NOX4: variants seen among roughly 807,000 people sequenced by gnomAD.
The protein encoded by NOX4 is kidney oxidase-1.
In NOX4, 69 loss-of-function variants were observed where a neutral mutation model predicts 87.6. The observed-to-expected ratio is 0.79, with a 90% CI of 0.65 to 0.96. The LOEUF (loss-of-function observed/expected upper bound fraction) is 0.96, where lower values mean the gene tolerates loss of function less well. Among genes scored for constraint, NOX4 ranks in the 40% least tolerant of loss-of-function variants. NOX4 has a pLI of 0.00. For synonymous variants in NOX4, 275 were observed against 238.2 expected, an observed-to-expected ratio of 1.15 and a Z score of -1.42; for missense variants, 680 against 681.5, an observed-to-expected ratio of 1.00 and a Z score of 0.02.
At chr11:89,378,902 A>G (rs1940064105) in intron 11 of NOX4, among the ~76,000 whole-genome samples, 4 of 152,240 alleles carry the variant, frequency 2.6e-5, no homozygotes, top group African/African-American at 9.6e-5. Context: ...ACATCATGAC[A>G]GTAAACATTT....
intron 11 of NOX4, among the ~76,000 whole-genome samples, chr11:89,375,508 G>T (rs1443693116): frequency 2.0e-5 from 3 of 152,044 alleles, no homozygotes; most frequent in Non-Finnish European, 4.4e-5. Flanking sequence ...GGGTTTCACA[G>T]TGTTGCCCAG....
chr11:89,511,440 C>T, the NOX4 span, among the ~76,000 whole-genome samples: 1 of 151,856 alleles, frequency 6.6e-6, no homozygotes, highest in Non-Finnish European at 1.5e-5. Flanking sequence ...CCTTTCCACT[C>T]CCTGTTTCTA....
At chr11:89,328,247 G>A (rs1223082841) in intron 17 of NOX4, among the ~76,000 whole-genome samples, 4 of 152,214 alleles carry the variant, frequency 2.6e-5, no homozygotes, top group Non-Finnish European at 5.9e-5. Flanking sequence ...CTTCATGAAT[G>A]TGAGTAAAGA....
intron 8 of NOX4, among the ~76,000 whole-genome samples, chr11:89,403,893 T>A (rs1942020467): frequency 6.6e-6 from 1 of 152,156 alleles, no homozygotes. Flanking sequence ...CTCATCCTGA[T>A]CACTTTCCTT....
chr11:89,586,869 T>A, the NOX4 span, among the ~76,000 whole-genome samples: 1 of 152,222 alleles, frequency 6.6e-6, no homozygotes, highest in South Asian at 2.1e-4. Context: ...GTTGGCATGG[T>A]CCTCTAATGT....
At position 89,449,437 on chromosome 11, in the gene NOX4, C is replaced by T. The variant is rs749236716; in HGVS notation, c.349+3G>A. The stretch of plus-strand genomic sequence containing the variant: ...ATTATTTAATATCTTGTGGCTTTCT[C>T]ACCTGAGAAAATACAGATAGTAACA... On this transcript the variant is annotated splice_donor_region_variant and intron_variant, in intron 4 of 17. Transcript: ENST00000263317. The T allele has an allele frequency of 1.3e-6, 2 of 1,586,996 alleles. No individual in the cohort carries two copies. Among genetic ancestry groups the T allele is most frequent in the Non-Finnish European group, 1.7e-6 (2 of 1,162,500 alleles).
At chr11:89,447,866 C>G (rs1193350511) in intron 4 of NOX4, among the ~76,000 whole-genome samples, 1 of 152,112 alleles carries the variant, frequency 6.6e-6, no homozygotes, top group Admixed American at 6.6e-5. Context: ...GAGCCTCTCC[C>G]CATCTAACAC....
upstream of NOX4, among the ~76,000 whole-genome samples, chr11:89,494,789 G>A (rs1243853257): frequency 6.6e-6 from 1 of 152,150 alleles, no homozygotes; most frequent in African/African-American, 2.4e-5. Context: ...TAAGACAAGT[G>A]GGCCCTTCTG....
At chr11:89,373,654 A>C (rs1939624609) in intron 11 of NOX4, among the ~76,000 whole-genome samples, 162 bp from the exon 12 acceptor site, 1 of 152,188 alleles carries the variant, frequency 6.6e-6, no homozygotes, top group South Asian at 2.1e-4. Flanking sequence ...AGAAAAAAAA[A>C]TCAATGTCAA....
At chr11:89,502,396 T>C (rs2135512702), upstream of NOX4, among the ~76,000 whole-genome samples, 1 of 152,168 alleles carries the variant, frequency 6.6e-6, no homozygotes, top group South Asian at 2.1e-4. Flanking sequence ...AAATTGCTTA[T>C]ATTTCATTTT....
chr11:89,353,279 G>C (rs1937701923), intron 13 of NOX4, among the ~76,000 whole-genome samples: 2 of 152,118 alleles, frequency 1.3e-5, no homozygotes, highest in Non-Finnish European at 2.9e-5. Flanking sequence ...GAAATCTTTT[G>C]TAAAAGGAAG....
intron 12 of NOX4, among the ~76,000 whole-genome samples, chr11:89,362,654 A>G (rs1938622876): frequency 6.6e-6 from 1 of 152,088 alleles, no homozygotes; most frequent in Admixed American, 6.6e-5. Flanking sequence ...ATATATATTT[A>G]AAGAGTAGAT....
intron 8 of NOX4, among the ~76,000 whole-genome samples, chr11:89,403,158 G>C (rs900523125): frequency 2.0e-5 from 3 of 152,100 alleles, no homozygotes; most frequent in Non-Finnish European, 4.4e-5. Context: ...AATCAGGCAG[G>C]AGAGCCCACA....
intron 11 of NOX4, among the ~76,000 whole-genome samples, chr11:89,381,079 A>C (rs1940249472): frequency 6.6e-6 from 1 of 152,148 alleles, no homozygotes; most frequent in African/African-American, 2.4e-5. Flanking sequence ...AACGGGAAAA[A>C]CTATTCCTGG....
the NOX4 span, among the ~76,000 whole-genome samples, chr11:89,523,551 G>A: frequency 6.6e-6 from 1 of 152,196 alleles, no homozygotes; most frequent in Non-Finnish European, 1.5e-5. Context: ...TCATTATTTG[G>A]ACCTACTCTG....
chr11:89,459,855 CA>C (rs1945371287), intron 2 of NOX4, among the ~76,000 whole-genome samples: 1 of 152,184 alleles, frequency 6.6e-6, no homozygotes, highest in South Asian at 2.1e-4. Flanking sequence ...AATTCCAAGT[CA>C]ATCCTAAGCC....
the NOX4 span, among the ~76,000 whole-genome samples, chr11:89,504,541 T>C: frequency 5.3e-5 from 8 of 151,962 alleles, no homozygotes; most frequent in Admixed American, 2.6e-4. Context: ...TCAGAGTTGT[T>C]ATAGTTACAA....
the NOX4 span, among the ~76,000 whole-genome samples, chr11:89,513,264 G>C: frequency 9.9e-5 from 15 of 151,826 alleles, no homozygotes; most frequent in African/African-American, 3.6e-4. Context: ...AGGTTGCAGT[G>C]AGCCAAGATC....
chr11:89,556,320 C>T, the NOX4 span, among the ~76,000 whole-genome samples: 22 of 152,098 alleles, frequency 1.4e-4, no homozygotes, highest in Non-Finnish European at 2.2e-4. Context: ...CTCAGGAGTT[C>T]GAGACCAGCC....
Sources: allele counts gnomAD v4.1 joint callset (sites outside exome capture counted in the v4.1 genomes callset), GRCh38; gene constraint gnomAD v4.1.1; transcripts MANE v1.5; gene names NCBI Gene and HGNC (gene_info 2026-07-23, HGNC 2026-07-21).